The following SORCS1 variants were observed in gnomAD, a reference collection of about 807,000 sequenced individuals.
SORCS1 encodes the protein sortilin related VPS10 domain containing receptor 1, also known as VPS10 domain-containing receptor SorCS1.
SORCS1 carries 60 observed loss-of-function variants against 146.1 expected under a neutral mutation model. The ratio of observed to expected loss-of-function variants is 0.41; its 90% confidence interval spans 0.33 to 0.51. SORCS1 has a LOEUF of 0.51. Among genes scored for constraint, SORCS1 ranks in the 20% least tolerant of loss-of-function variants. The pLI is 0.21. For synonymous variants in SORCS1, 637 were observed against 584.0 expected, an observed-to-expected ratio of 1.09 and a Z score of -1.31; for missense variants, 1,352 against 1,487.6, an observed-to-expected ratio of 0.91 and a Z score of 1.50.
intron 1 of SORCS1, among the ~76,000 whole-genome samples, chr10:107,082,950 CA>C (rs967981093): frequency 1.5e-4 from 22 of 149,872 alleles, no homozygotes; most frequent in Non-Finnish European, 3.0e-4. Context: ...AGAAAAAATA[CA>C]AAAAAAAATT....
At chr10:106,957,309 G>T (rs1242255878) in intron 1 of SORCS1, among the ~76,000 whole-genome samples, 1 of 151,836 alleles carries the variant, frequency 6.6e-6, no homozygotes, top group South Asian at 2.1e-4. Flanking sequence ...GAGTAGCTGG[G>T]ATTACAGTTG....
chr10:106,587,128 A>T (rs1845289955), intron 24 of SORCS1, among the ~76,000 whole-genome samples: 1 of 152,224 alleles, frequency 6.6e-6, no homozygotes, highest in Non-Finnish European at 1.5e-5. Context: ...GGGTCTATGT[A>T]TCTGTGCAAC....
chr10:107,160,988 A>C (rs1969657912), intron 1 of SORCS1, among the ~76,000 whole-genome samples: 1 of 152,204 alleles, frequency 6.6e-6, no homozygotes, highest in Admixed American at 6.5e-5. Flanking sequence ...ATTCATACCC[A>C]GCACCTTTCA....
At chr10:106,595,524 C>T (rs1031424420) in intron 24 of SORCS1, among the ~76,000 whole-genome samples, 1 of 152,120 alleles carries the variant, frequency 6.6e-6, no homozygotes, top group Non-Finnish European at 1.5e-5. Flanking sequence ...CACCTCCATA[C>T]TCCATGCTGA....
At chr10:106,750,462 G>C (rs528441607) in intron 5 of SORCS1, among the ~76,000 whole-genome samples, 1 of 152,026 alleles carries the variant, frequency 6.6e-6, no homozygotes, top group Non-Finnish European at 1.5e-5. Context: ...CGGGCGCAGT[G>C]GTTCAGGCCT....
At chr10:106,929,497 CCTGT>C (rs1470969700) in intron 2 of SORCS1, among the ~76,000 whole-genome samples, 6 of 152,030 alleles carry the variant, frequency 3.9e-5, no homozygotes, top group Non-Finnish European at 8.8e-5. Flanking sequence ...AAAGAAAAGC[CCTGT>C]CTCTTTTCTT....
intron 19 of SORCS1, among the ~76,000 whole-genome samples, chr10:106,627,673 C>T (rs915528044): frequency 2.0e-5 from 3 of 152,120 alleles, no homozygotes; most frequent in South Asian, 2.1e-4. Flanking sequence ...CAGGAGCCCC[C>T]GTGATGAGTA....
At chr10:106,903,123 T>A (rs1951779999) in intron 2 of SORCS1, among the ~76,000 whole-genome samples, 1 of 152,140 alleles carries the variant, frequency 6.6e-6, no homozygotes, top group African/African-American at 2.4e-5. Context: ...CAAAATAATT[T>A]ATGTAGTGCT....
chr10:107,063,061 G>C (rs2134126726), intron 1 of SORCS1, among the ~76,000 whole-genome samples: 1 of 152,264 alleles, frequency 6.6e-6, no homozygotes, highest in South Asian at 2.1e-4. Context: ...ATGACTGTGA[G>C]ACACCACAAA....
intron 2 of SORCS1, among the ~76,000 whole-genome samples, chr10:106,941,651 G>A (rs1954047935): frequency 1.3e-5 from 2 of 152,150 alleles, no homozygotes; most frequent in Admixed American, 6.5e-5. Flanking sequence ...GAGAGGGATT[G>A]GAGAAGCCAA....
chr10:106,614,851 T>G (rs1847249792), intron 21 of SORCS1, among the ~76,000 whole-genome samples: 1 of 152,186 alleles, frequency 6.6e-6, no homozygotes, highest in African/African-American at 2.4e-5. Context: ...AATATAATAT[T>G]TTTTGCAGCT....
rs183226643 is a variant in SORCS1 at position 106,639,835 on chromosome 10, T to C, written c.2476-10447A>G. Among the ~76,000 whole-genome samples, 452 of 152,130 alleles carry C rather than the reference T, an allele frequency of 3.0e-3. 2 individuals carry two copies. The highest frequency in any genetic ancestry group is 0.011 in the African/African-American group (437 of 41,488). On this transcript the variant is annotated intron_variant, in intron 18 of 25. Coordinates refer to ENST00000263054, the MANE Select transcript of SORCS1 (RefSeq NM_052918.5). ...GAGATCGAGACCATCCTGGCCAACA[T>C]GGTGAAACTCCGTCTCTACTAAATA...
At chr10:106,868,649 A>T (rs2137544668) in intron 2 of SORCS1, among the ~76,000 whole-genome samples, 1 of 152,338 alleles carries the variant, frequency 6.6e-6, no homozygotes, top group Non-Finnish European at 1.5e-5. Context: ...AACTAATGAG[A>T]ACAAAGATAC....
chr10:107,076,945 T>C (rs1242788628), intron 1 of SORCS1, among the ~76,000 whole-genome samples: 1 of 152,192 alleles, frequency 6.6e-6, no homozygotes, highest in Non-Finnish European at 1.5e-5. Context: ...AAATCTTATA[T>C]TGCAGTGCTC....
intron 1 of SORCS1, among the ~76,000 whole-genome samples, chr10:106,983,258 C>CTATATATAAA (rs2139370828): frequency 6.8e-6 from 1 of 147,188 alleles, no homozygotes; most frequent in Admixed American, 6.8e-5. Flanking sequence ...ATACATATTT[C>CTATATATAAA]TATATATAAA....
chr10:106,958,275 T>TGA (rs1386406181), intron 1 of SORCS1, among the ~76,000 whole-genome samples: 5 of 152,180 alleles, frequency 3.3e-5, no homozygotes, highest in African/African-American at 1.2e-4. Flanking sequence ...CCTAGAACAT[T>TGA]TGGCCCAGCC....
intron 12 of SORCS1, among the ~76,000 whole-genome samples, chr10:106,677,935 T>C (rs1034227169): frequency 1.3e-5 from 2 of 152,226 alleles, no homozygotes; most frequent in Non-Finnish European, 2.9e-5. Context: ...CAAAGAAAAC[T>C]GTTCTTGTTT....
intron 2 of SORCS1, among the ~76,000 whole-genome samples, chr10:106,850,357 G>A (rs557895936): frequency 5.7e-4 from 87 of 152,088 alleles, no homozygotes; most frequent in African/African-American, 1.9e-3. Context: ...TTCCAGGTGC[G>A]TCCGTCACCC....
intron 23 of SORCS1, among the ~76,000 whole-genome samples, chr10:106,601,606 A>G (rs566694731): frequency 6.6e-6 from 1 of 152,344 alleles, no homozygotes; most frequent in African/African-American, 2.4e-5. Flanking sequence ...GATTGAATGC[A>G]GCACTCAGAA....
Sources: allele counts gnomAD v4.1 joint callset (sites outside exome capture counted in the v4.1 genomes callset), GRCh38; gene constraint gnomAD v4.1.1; transcripts MANE v1.5; gene names NCBI Gene and HGNC (gene_info 2026-07-23, HGNC 2026-07-21).